The following WDR43 variants were observed in gnomAD, a reference collection of about 807,000 sequenced individuals.
The protein encoded by WDR43 is WD repeat-containing protein 43.
A neutral mutation model predicts 91.4 loss-of-function variants in WDR43; 13 were observed. The observed-to-expected ratio is 0.14, with a 90% confidence interval of 0.09 to 0.23. The LOEUF (loss-of-function observed/expected upper bound fraction) is 0.23. Ranked by LOEUF, WDR43 falls within the 10% of genes least tolerant of loss-of-function variation. The probability of loss-of-function intolerance (pLI) is 1.00; values close to 1 mark genes in which losing one functional copy is unlikely to be tolerated. For missense variants in WDR43, 780 were observed against 809.4 expected, an observed-to-expected ratio of 0.96 and a Z score of 0.44; for synonymous variants, 331 against 287.9, an observed-to-expected ratio of 1.15 and a Z score of -1.51.
chr2:28,902,393 G>C (rs1572579326), intron 2 of WDR43, among the ~76,000 whole-genome samples: 1 of 152,212 alleles, frequency 6.6e-6, no homozygotes, highest in Non-Finnish European at 1.5e-5. Flanking sequence ...ATCATAGATA[G>C]CAGCTGTGGA....
intron 1 of WDR43, among the ~76,000 whole-genome samples, chr2:28,896,565 C>T (rs927558086): frequency 3.3e-5 from 5 of 152,096 alleles, no homozygotes; most frequent in Admixed American, 6.5e-5. Flanking sequence ...AAAAATGGAA[C>T]CAGGATTAGA....
At chr2:28,905,363 T>C (rs546286539) in intron 2 of WDR43, among the ~76,000 whole-genome samples, 1 of 152,324 alleles carries the variant, frequency 6.6e-6, no homozygotes, top group Admixed American at 6.5e-5. Flanking sequence ...TTTCTATTCC[T>C]ACGTGCCTCT....
intron 11 of WDR43, among the ~76,000 whole-genome samples, chr2:28,932,035 C>T (rs1023368444): frequency 3.3e-5 from 5 of 152,030 alleles, no homozygotes; most frequent in Admixed American, 2.0e-4. Context: ...ATCACCATAG[C>T]CAGCTAATTT....
intron 3 of WDR43, among the ~76,000 whole-genome samples, chr2:28,908,666 A>G (rs532166568): frequency 4.6e-5 from 7 of 152,330 alleles, no homozygotes; most frequent in African/African-American, 9.6e-5. Flanking sequence ...CCTCTCATAC[A>G]CTAAACTGTG....
At chr2:28,898,478 GTA>G (rs1670520703) in intron 1 of WDR43, among the ~76,000 whole-genome samples, 1 of 152,216 alleles carries the variant, frequency 6.6e-6, no homozygotes, top group Non-Finnish European at 1.5e-5. Context: ...TATAAATACT[GTA>G]TGTGATTTTT....
rs774306422 is a variant in WDR43 at position 28,929,619 on chromosome 2, C to T, written c.1346C>T (p.Thr449Ile). The T allele has an allele frequency of 1.2e-6, 2 of 1,613,430 alleles. No homozygotes were observed. The highest frequency in any genetic ancestry group is 1.7e-6 in the Non-Finnish European group (2 of 1,179,638). Residue 449 changes from threonine (T) to isoleucine (I), a missense_variant, in exon 11 of 18, where the codon ACA becomes ATA. Thr to Ile is a moderately conservative substitution (Grantham distance 89). Coordinates refer to ENST00000407426, the MANE Select transcript of WDR43 (RefSeq NM_015131.3). Reference protein sequence around the residue: ...EERLGAMDIDTHKKGKEDLQT... With the variant: ...EERLGAMDIDIHKKGKEDLQT... ...CGTCTGGGAGCAATGGATATAGACA[C>T]ACACAAAAAAGGAAAGGAAGACCTC...
intron 6 of WDR43, among the ~76,000 whole-genome samples, chr2:28,920,700 A>G (rs903441078): frequency 2.6e-5 from 4 of 152,006 alleles, no homozygotes; most frequent in Admixed American, 1.3e-4. Flanking sequence ...TGTTTTTGAG[A>G]CAGTCTCCCT....
intron 13 of WDR43, 76 bp downstream of exon 13, chr2:28,937,029 AACT>A: frequency 7.2e-7 from 1 of 1,383,318 alleles, no homozygotes; most frequent in Non-Finnish European, 9.9e-7. Flanking sequence ...TCTGATTTCT[AACT>A]AATAAAACTC....
At chr2:28,940,701 A>G (rs1671419484) in intron 14 of WDR43, among the ~76,000 whole-genome samples, 1 of 152,216 alleles carries the variant, frequency 6.6e-6, no homozygotes, top group African/African-American at 2.4e-5. Flanking sequence ...TAGAAAAATT[A>G]TGGCCATCAT....
Position 28,946,474 on chromosome 2 carries a change from A to T in WDR43, c.1829A>T (p.Asp610Val). The T allele has an allele frequency of 6.2e-7, 1 of 1,612,062 alleles. No individual in the cohort carries two copies. The highest frequency in any genetic ancestry group is 1.1e-5 in the South Asian group (1 of 90,482). Residue 610 changes from aspartate (D) to valine (V), a missense_variant, in exon 17 of 18, where the codon GAT (aspartate) becomes GTT (valine). This residue lies in a region of WDR43 where 426 missense variants were observed against 467.8 expected (regional missense o/e 0.91). Coordinates refer to ENST00000407426, the MANE Select transcript of WDR43 (RefSeq NM_015131.3). ...GAGTCTTCTGAAGAGGAGTCTGATG[A>T]TGAAATAGCAGATAAGGATTCTGAA... is the stretch of plus-strand genomic sequence containing the variant. ...EEESSEEESD[D>V]EIADKDSEDN... is the part of the protein sequence containing the mutation.
chr2:28,900,372 C>T (rs928995089), intron 1 of WDR43, among the ~76,000 whole-genome samples: 2 of 151,970 alleles, frequency 1.3e-5, no homozygotes, highest in African/African-American at 2.4e-5. Context: ...TTAGTAGAGA[C>T]GGGGTTTCAC....
At chr2:28,913,986 A>ATGGCTTG in intron 4 of WDR43, 83 bp from the exon 5 acceptor site, 2 of 1,512,434 alleles carry the variant, frequency 1.3e-6, no homozygotes, top group Non-Finnish European at 1.8e-6. Context: ...TGTATCACAT[A>ATGGCTTG]TGGCTTGTTT....
intron 13 of WDR43, 128 bp from the exon 14 acceptor site, chr2:28,937,803 A>ATTTATTACAGTCATTTTCAC: frequency 1.2e-6 from 1 of 839,964 alleles, no homozygotes; most frequent in African/African-American, 1.7e-5. Context: ...ACAGTGATAT[A>ATTTATTACAGTCATTTTCAC]TTTATTACAG....
chr2:28,946,710 T>TAC lies in WDR43; in HGVS notation c.1967_1968dup (p.Ala657GlnfsTer7). On this transcript the variant is annotated frameshift_variant, in exon 18 of 18. Coordinates refer to ENST00000407426, the MANE Select transcript of WDR43 (RefSeq NM_015131.3). LOFTEE classifies it high-confidence loss of function. Reference sequence around the variant, plus strand: ...ATGAAGAAAATGGCGAGGACAGAGATACAGCAAGTGAAAAAGAATTAAATG... The same window carrying TAC: ...ATGAAGAAAATGGCGAGGACAGAGATACACAGCAAGTGAAAAAGAATTAAATG... 1 of 1,581,940 alleles carries TAC rather than the reference T, an allele frequency of 6.3e-7. No individual in the cohort carries two copies. Among genetic ancestry groups the TAC allele is most frequent in the Non-Finnish European group, 8.6e-7 (1 of 1,163,822 alleles).
chr2:28,898,399 G>T (rs1487622087), intron 1 of WDR43, among the ~76,000 whole-genome samples: 2 of 152,218 alleles, frequency 1.3e-5, no homozygotes, highest in African/African-American at 4.8e-5. Flanking sequence ...TTCCTAAGAA[G>T]TAAAGGTTGC....
chr2:28,946,028 T>C (rs1243206999), intron 16 of WDR43, among the ~76,000 whole-genome samples: 1 of 152,166 alleles, frequency 6.6e-6, no homozygotes, highest in Non-Finnish European at 1.5e-5. Flanking sequence ...ATAATGAATA[T>C]ACTTTTATAC....
chr2:28,913,701 A>G (rs768359588), intron 4 of WDR43: 6 of 526,118 alleles, frequency 1.1e-5, no homozygotes, highest in African/African-American at 9.6e-5. Flanking sequence ...GTTTCGACTC[A>G]CTGAGAGTAA....
chr2:28,925,849 A>G (rs944062153), intron 8 of WDR43, among the ~76,000 whole-genome samples: 2 of 152,218 alleles, frequency 1.3e-5, no homozygotes, highest in South Asian at 4.1e-4. Context: ...GCTCCTTGCC[A>G]TATGTGAATT....
rs763214152 is a variant in WDR43 at position 28,946,659 on chromosome 2, G to C, written c.1914G>C (p.Glu638Asp). 1.9e-6 allele frequency: 3 copies of C among 1,560,156 alleles called. No individual in the cohort carries two copies. Among genetic ancestry groups the C allele is most frequent in the Non-Finnish European group, 2.6e-6 (3 of 1,151,412 alleles). ...SESEKDEDVE[E>D]EDEDAEGKDE... is the part of the protein sequence containing the mutation. ...GTGAAAAAGATGAGGACGTTGAAGA[G>C]GAAGATGAGGATGCCGAAGGAAAAG... Residue 638 changes from glutamate (E) to aspartate (D), a missense_variant, in exon 18 of 18, where the codon GAG becomes GAC. Physicochemically the swap from Glu to Asp is conservative, Grantham distance 45 (BLOSUM62 2). This residue lies in a region of WDR43 where 426 missense variants were observed against 467.8 expected (regional missense o/e 0.91). Coordinates refer to ENST00000407426, the MANE Select transcript of WDR43 (RefSeq NM_015131.3).
Sources: gnomAD v4.1 joint callset for allele counts (sites outside exome capture counted in the v4.1 genomes callset) on GRCh38, gnomAD v4.1.1 for gene constraint, gnomAD v4.1.1 regional missense constraint, MANE v1.5 for transcripts, NCBI Gene and HGNC (gene_info 2026-07-23, HGNC 2026-07-21) for gene names.